The following CEP250 variants were observed in gnomAD, a reference collection of about 807,000 sequenced individuals.
The protein encoded by CEP250 is centrosomal protein 250, also known as centrosome-associated protein CEP250.
Under a neutral mutation model 315.7 loss-of-function variants are expected in CEP250, and 242 were observed. The observed-to-expected ratio is 0.77, with a 90% CI of 0.69 to 0.85. The LOEUF (loss-of-function observed/expected upper bound fraction) is 0.85, where lower values mean the gene tolerates loss of function less well. Ranked by LOEUF, CEP250 falls within the 40% of genes least tolerant of loss-of-function variation. CEP250 has a pLI of 0.00. For missense variants in CEP250, 2,515 were observed against 2,886.4 expected, an observed-to-expected ratio of 0.87 and a Z score of 2.95; for synonymous variants, 1,088 against 1,175.0, an observed-to-expected ratio of 0.93 and a Z score of 1.51.
chr20:35,502,546 G>T lies in CEP250; in HGVS notation c.4177G>T (p.Glu1393Ter). ...TARSALKLKN[E>*]EVESERERAQ... ...TCGCTCAGCACTGAAGCTGAAAAAT[G>T]AGGAAGTAGAGAGTGAGCGTGAGAG... Residue 1393 changes from glutamate (E) to a stop codon, truncating the protein, a stop_gained, in exon 30 of 35, where the codon GAG becomes TAG. Transcript: ENST00000397527. LOFTEE classifies it high-confidence loss of function. 6.2e-7 allele frequency: 1 copy of T among 1,614,198 alleles called. No individual in the cohort carries two copies. The highest frequency in any genetic ancestry group is 8.5e-7 in the Non-Finnish European group (1 of 1,180,036).
chr20:35,508,227 A>C, intron 32 of CEP250, 37 bp downstream of exon 32: 1 of 1,608,804 alleles, frequency 6.2e-7, no homozygotes, highest in Non-Finnish European at 8.5e-7. Context: ...ATGCATCTCC[A>C]CTTCTCGTGT....
intron 3 of CEP250, among the ~76,000 whole-genome samples, chr20:35,460,620 C>A (rs2062734344): frequency 6.6e-6 from 1 of 152,196 alleles, no homozygotes; most frequent in African/African-American, 2.4e-5. Flanking sequence ...CTGGTTGTTG[C>A]CTTATTGAAA....
At chr20:35,462,631 G>C in intron 4 of CEP250, 78 bp downstream of exon 4, 1 of 1,301,446 alleles carries the variant, frequency 7.7e-7, no homozygotes, top group Non-Finnish European at 1.0e-6. Flanking sequence ...AAGGGTTGCA[G>C]GAGGCAGAGT....
intron 25 of CEP250, among the ~76,000 whole-genome samples, chr20:35,496,976 A>G (rs1234937516): frequency 1.3e-5 from 2 of 152,216 alleles, no homozygotes; most frequent in Non-Finnish European, 2.9e-5. Context: ...GGTGTAGCCC[A>G]TGCAGGCCTG....
chr20:35,482,243 GTTTT>G (rs1205773276), intron 20 of CEP250, among the ~76,000 whole-genome samples: 1 of 133,488 alleles, frequency 7.5e-6, no homozygotes, highest in Non-Finnish European at 1.6e-5. Context: ...TTGTTTGTTT[GTTTT>G]TTGAGACGGA....
intron 24 of CEP250, among the ~76,000 whole-genome samples, chr20:35,494,934 T>C (rs1384784680): frequency 6.6e-6 from 1 of 151,896 alleles, no homozygotes; most frequent in African/African-American, 2.4e-5. Flanking sequence ...AATTTATAGT[T>C]TTGTGGGGAA....
At position 35,496,567 on chromosome 20, in the gene CEP250, C is replaced by G; in HGVS notation, c.3168-10C>G. On this transcript the variant is annotated splice_polypyrimidine_tract_variant and intron_variant, in intron 24 of 34. Transcript: ENST00000397527. ...AGAATGGCCCAGCACTCTGACCCCT[C>G]TCTTTTTAGCCTGACTCTCTCACTG... 1 of 1,613,062 alleles carries G rather than the reference C, an allele frequency of 6.2e-7. No homozygotes were observed. The highest frequency in any genetic ancestry group is 8.5e-7 in the Non-Finnish European group (1 of 1,179,464).
At chr20:35,474,850 A>G (rs147252659) in intron 14 of CEP250, 13 of 471,056 alleles carry the variant, frequency 2.8e-5, no homozygotes, top group Middle Eastern at 3.2e-4. Flanking sequence ...AACCTGGCAT[A>G]TGGTAGGTCT....
At position 35,501,928 on chromosome 20, in the gene CEP250, C is replaced by A. The variant is rs747999521; in HGVS notation, c.3982C>A (p.Arg1328Ser). The change falls in exon 29 of 35, where the codon CGC becomes AGC. Residue 1328 changes from arginine to serine, a missense_variant. Coordinates refer to ENST00000397527, the MANE Select transcript of CEP250 (RefSeq NM_007186.6). ...LHETMASLQSRLRRAELQRME... is the reference protein window; with the variant it reads ...LHETMASLQSSLRRAELQRME... ...TGAAACTATGGCATCCTTACAGAGT[C>A]GCCTGCGGAGAGCAGAGCTACAGCG... 6.2e-7 allele frequency: 1 copy of A among 1,613,438 alleles called. No individual in the cohort carries two copies. The highest frequency in any genetic ancestry group is 8.5e-7 in the Non-Finnish European group (1 of 1,180,012).
chr20:35,465,918 C>A, intron 6 of CEP250, 93 bp downstream of exon 6: 1 of 1,513,390 alleles, frequency 6.6e-7, no homozygotes, highest in Non-Finnish European at 9.0e-7. Context: ...ATGTGGACTT[C>A]AGCCATAGCC....
chr20:35,465,688 G>A (rs1276916253), intron 5 of CEP250, 55 bp from the exon 6 acceptor site: 10 of 1,337,210 alleles, frequency 7.5e-6, no homozygotes, highest in Non-Finnish European at 1.0e-5. Context: ...TTAGGGAACT[G>A]GTCTGAGTGA....
rs1568762423 is a variant in CEP250 at position 35,467,554 on chromosome 20, CG to C, written c.851+1del. 6.2e-7 allele frequency: 1 copy of C among 1,612,852 alleles called. No homozygotes were observed. Among genetic ancestry groups the C allele is most frequent in the Non-Finnish European group, 8.5e-7 (1 of 1,179,552 alleles). On this transcript the variant is annotated frameshift_variant and splice_region_variant, in exon 9 of 35. Transcript: ENST00000397527. LOFTEE classifies it high-confidence loss of function. ...GDLEKAELQD[R>X]VTELSALLTQ... ...TCTGGAGAAGGCTGAACTTCAGGAC[CG>C]GTGAGATGGCCTGGGGTCCCAAGAA...
rs762628430 is a variant in CEP250 at position 35,500,011 on chromosome 20, T to C, written c.3778-38T>C. ...GAGCCCTGCATTGTTTTGTGGAAGA[T>C]GAGGAACTCACGTTTAGCCATGCCC... On this transcript the variant is annotated intron_variant, in intron 27 of 34. Transcript: ENST00000397527. The C allele has an allele frequency of 1.9e-6, 3 of 1,613,230 alleles. No homozygotes were observed. In the Admixed American group the frequency reaches 5.0e-5, roughly 27 times the overall value.
At position 35,462,319 on chromosome 20, in the gene CEP250, A is replaced by G; in HGVS notation, c.-49A>G. ...TGGTTAGAGACCCTGCTGGGCGTGAACACCCTCTGGCTACCTAGGGACCTG... is the reference window on the plus strand; with the variant it reads ...TGGTTAGAGACCCTGCTGGGCGTGAGCACCCTCTGGCTACCTAGGGACCTG... On this transcript the variant is annotated 5_prime_UTR_variant, in exon 4 of 35. Transcript: ENST00000397527. 1 of 1,489,518 alleles carries G rather than the reference A, an allele frequency of 6.7e-7. No homozygotes were observed. Among genetic ancestry groups the G allele is most frequent in the Non-Finnish European group, 9.1e-7 (1 of 1,099,054 alleles). 92.3% of individuals were successfully genotyped at this position (1,489,518 alleles called of 1,614,324 possible).
At position 35,476,580 on chromosome 20, in the gene CEP250, C is replaced by T. The variant is rs2063180453; in HGVS notation, c.1848C>T (p.Asn616=). The T allele has an allele frequency of 6.2e-7, 1 of 1,612,658 alleles. No homozygotes were observed. The change falls in exon 16 of 35, where the codon AAC becomes AAT. Residue 616 remains asparagine, a synonymous_variant. Transcript: ENST00000397527. ...TGGCGTTAGATAAAGTTGGGCTGAA[C>T]CAGCAGCTTCTCCAGGTGAGCAAAG... The part of the protein sequence containing the change: ...EALALDKVGL[N]QQLLQLEEEN...
At chr20:35,505,282 C>T (rs1219722718) in intron 30 of CEP250, among the ~76,000 whole-genome samples, 1 of 152,172 alleles carries the variant, frequency 6.6e-6, no homozygotes, top group East Asian at 1.9e-4. Flanking sequence ...GTTTAGTATG[C>T]CCCAGGCATG....
chr20:35,492,268 C>T (rs2063718250), intron 22 of CEP250, among the ~76,000 whole-genome samples: 1 of 152,032 alleles, frequency 6.6e-6, no homozygotes, highest in African/African-American at 2.4e-5. Flanking sequence ...ATATGAAACA[C>T]CAAGAATAGG....
intron 5 of CEP250, 77 bp downstream of exon 5, chr20:35,463,708 G>A: frequency 7.8e-7 from 1 of 1,275,136 alleles, no homozygotes; most frequent in Non-Finnish European, 1.1e-6. Context: ...TTGACTGAGG[G>A]AGGTTGGAGT....
At chr20:35,467,678 C>A in intron 9 of CEP250, 123 bp downstream of exon 9, 1 of 1,145,764 alleles carries the variant, frequency 8.7e-7, no homozygotes, top group Non-Finnish European at 1.2e-6. Context: ...AAGATGTGCC[C>A]AAGGAAATCT....
Sources: gnomAD v4.1 joint callset for allele counts (sites outside exome capture counted in the v4.1 genomes callset) on GRCh38, gnomAD v4.1.1 for gene constraint, MANE v1.5 for transcripts, NCBI Gene and HGNC (gene_info 2026-07-23, HGNC 2026-07-21) for gene names.